CFAP61: variants seen among roughly 807,000 people sequenced by gnomAD.
The protein encoded by CFAP61 is cilia- and flagella-associated protein 61.
CFAP61 carries 107 observed loss-of-function variants against 135.6 expected under a neutral mutation model. The observed-to-expected ratio is 0.79, with a 90% CI of 0.67 to 0.93. The LOEUF is 0.93. Among genes scored for constraint, CFAP61 ranks in the 40% least tolerant of loss-of-function variants. The pLI is 0.00. For synonymous variants in CFAP61, 575 were observed against 578.5 expected (o/e 0.99, Z 0.09); for missense variants, 1,507 against 1,556.2 (o/e 0.97, Z 0.53).
Position 20,286,227 on chromosome 20 carries a change from G to A in CFAP61, c.2797-2382G>A, listed in dbSNP as rs868203709. The stretch of plus-strand genomic sequence containing the variant: ...AGAACTCTCTTGAAATTGATGTTTT[G>A]TCCCCACATCAAAGCCTCTCCACAT... On this transcript the variant is annotated intron_variant, in intron 22 of 26. Transcript: ENST00000245957. 3.9e-5 allele frequency among the ~76,000 whole-genome samples: 6 copies of A among 152,178 alleles called. No individual in the cohort carries two copies. In the South Asian group the frequency reaches 6.2e-4, roughly 16 times the overall value.
rs903069223 is a variant in CFAP61 at position 20,308,803 on chromosome 20, A to C, written c.3422+10417A>C. On this transcript the variant is annotated intron_variant, in intron 25 of 26. Transcript: ENST00000245957. Reference sequence around the variant, plus strand: ...TTCAAACTTGTACAGCAGGAGTTAAAGTCCTTTATAGATTTTCTTCCTCCA... The same window carrying C: ...TTCAAACTTGTACAGCAGGAGTTAACGTCCTTTATAGATTTTCTTCCTCCA... Among the ~76,000 whole-genome samples, 9 of 152,302 alleles carry C rather than the reference A, an allele frequency of 5.9e-5. No homozygotes were observed. The South Asian group carries it at 8.3e-4, about 14-fold the overall frequency.
rs564230929 is a variant in CFAP61 at position 20,175,685 on chromosome 20, C to T, written c.1385+6225C>T. ...GGGACTACAGGTGCCCACCATGACA[C>T]CTGACTAAATTTTTTTTTTTTATTT... On this transcript the variant is annotated intron_variant, in intron 13 of 26. Transcript: ENST00000245957. Among the ~76,000 whole-genome samples the T allele has an allele frequency of 3.0e-5, 3 of 101,076 alleles. No individual in the cohort carries two copies. In the Admixed American group the frequency reaches 3.0e-4, roughly 10 times the overall value. The allele number at this position is 101,076 out of a possible 152,430, so 66.3% of individuals were successfully genotyped here. A position where few individuals can be genotyped will look rare whatever the true frequency, so the allele number is the denominator to read the frequency against.
chr20:20,294,168 C>T (rs1383401824), intron 24 of CFAP61, among the ~76,000 whole-genome samples: 1 of 152,148 alleles, frequency 6.6e-6, no homozygotes, highest in East Asian at 1.9e-4. Context: ...TCGTCCTGAC[C>T]CCAGAACCCT....
At chr20:20,163,486 G>A (rs1329590513) in intron 10 of CFAP61, among the ~76,000 whole-genome samples, 7 of 152,052 alleles carry the variant, frequency 4.6e-5, no homozygotes, top group African/African-American at 1.2e-4. Context: ...ATACTATCAC[G>A]CTCTAATCTC....
At chr20:20,236,070 G>A (rs1352282662) in intron 18 of CFAP61, among the ~76,000 whole-genome samples, 1 of 152,176 alleles carries the variant, frequency 6.6e-6, no homozygotes, top group Non-Finnish European at 1.5e-5. Flanking sequence ...TTAAGAACTT[G>A]TGGTGGAGGA....
At chr20:20,209,744 G>T (rs911249030) in intron 17 of CFAP61, among the ~76,000 whole-genome samples, 1 of 152,088 alleles carries the variant, frequency 6.6e-6, no homozygotes, top group Admixed American at 6.5e-5. Context: ...TTTTAGGCAG[G>T]TAGGAAAGAC....
At chr20:20,215,578 A>G (rs116980851) in intron 17 of CFAP61, among the ~76,000 whole-genome samples, 1,551 of 152,322 alleles carry the variant, frequency 0.01, 11 homozygotes, top group Middle Eastern at 0.027. Context: ...ATGTTTCCTT[A>G]AATCCAAAGT....
intron 25 of CFAP61, among the ~76,000 whole-genome samples, chr20:20,304,303 T>TGTGTGTGAGA (rs754913257): frequency 6.8e-6 from 1 of 147,488 alleles, no homozygotes. Context: ...TGTGTGTGTG[T>TGTGTGTGAGA]GAGAGAGAGA....
chr20:20,337,506 A>G (rs927873177), intron 25 of CFAP61, among the ~76,000 whole-genome samples: 254 of 3,860 alleles, frequency 0.066, 1 homozygote, highest in Middle Eastern at 0.17. Flanking sequence ...GGGTGGATGG[A>G]TAAATGGATG....
chr20:20,068,027 C>T (rs1786175108), intron 2 of CFAP61, among the ~76,000 whole-genome samples: 1 of 152,116 alleles, frequency 6.6e-6, no homozygotes, highest in Admixed American at 6.6e-5. Flanking sequence ...CCCACAAAAG[C>T]ATACTGAATC....
intron 20 of CFAP61, chr20:20,253,316 G>T: frequency 6.1e-6 from 1 of 164,042 alleles, no homozygotes; most frequent in Non-Finnish European, 1.3e-5. Context: ...TTCCTGTGCC[G>T]TAAGTTTCCA....
intron 26 of CFAP61, among the ~76,000 whole-genome samples, chr20:20,353,607 G>A (rs773681245): frequency 4.6e-5 from 7 of 152,068 alleles, no homozygotes; most frequent in Non-Finnish European, 8.8e-5. Context: ...ATATGCTGTC[G>A]GAACTTCACT....
chr20:20,074,638 G>A (rs372373622), intron 4 of CFAP61, among the ~76,000 whole-genome samples: 35 of 152,310 alleles, frequency 2.3e-4, no homozygotes, highest in Middle Eastern at 3.4e-3. Flanking sequence ...AGGTTGAGGG[G>A]AGTAGGAGAA....
rs1435226093 is a variant in CFAP61, at chr20:20,052,592, G to T, written c.-37+1G>T. Reference sequence around the variant, plus strand: ...GCGGCGTCCTGGAGCTGCGGATGAGGTGGGTAACGCCGTGCTGACTAGCAG... The same window carrying T: ...GCGGCGTCCTGGAGCTGCGGATGAGTTGGGTAACGCCGTGCTGACTAGCAG... On this transcript the variant is annotated splice_donor_variant, in intron 1 of 26. Coordinates refer to ENST00000245957, the MANE Select transcript of CFAP61 (RefSeq NM_015585.4). LOFTEE classifies it low-confidence loss of function (5UTR_SPLICE). 1 of 1,613,734 alleles carries T rather than the reference G, an allele frequency of 6.2e-7. No individual in the cohort carries two copies. The highest frequency in any genetic ancestry group is 1.3e-5 in the African/African-American group (1 of 74,954).
At chr20:20,195,919 AATT>A (rs1165481695) in intron 15 of CFAP61, among the ~76,000 whole-genome samples, 1 of 152,082 alleles carries the variant, frequency 6.6e-6, no homozygotes, top group Non-Finnish European at 1.5e-5. Flanking sequence ...TCTCTACTAG[AATT>A]ACAAAAAAAT....
chr20:20,296,469 C>CTTTCTTTT (rs2055624229), intron 24 of CFAP61, among the ~76,000 whole-genome samples: 1 of 146,764 alleles, frequency 6.8e-6, no homozygotes, highest in Non-Finnish European at 1.5e-5. Flanking sequence ...TTCCTTCCTT[C>CTTTCTTTT]CTTTCTTTTT....
At chr20:20,214,159 T>C (rs940928438) in intron 17 of CFAP61, 4 of 152,214 alleles carry the variant, frequency 2.6e-5, no homozygotes, top group Non-Finnish European at 4.4e-5. Flanking sequence ...CTCAGGATAC[T>C]GGACAGAGAA....
At chr20:20,186,434 T>G (rs994788909) in intron 13 of CFAP61, among the ~76,000 whole-genome samples, 3 of 152,208 alleles carry the variant, frequency 2.0e-5, no homozygotes, top group African/African-American at 7.2e-5. Flanking sequence ...TTGATGGGCA[T>G]TTGGGTTGTT....
intron 13 of CFAP61, among the ~76,000 whole-genome samples, chr20:20,173,952 G>T (rs935134588): frequency 5.3e-5 from 8 of 152,036 alleles, no homozygotes; most frequent in African/African-American, 1.9e-4. Flanking sequence ...CTTTTACTGT[G>T]TCCATGCACT....
Sources: allele counts gnomAD v4.1 joint callset (sites outside exome capture counted in the v4.1 genomes callset), GRCh38; gene constraint gnomAD v4.1.1; transcripts MANE v1.5; gene names NCBI Gene and HGNC (gene_info 2026-07-23, HGNC 2026-07-21).